Variants in CRACD observed in about 807,000 individuals in gnomAD.
The protein encoded by CRACD is capping protein-inhibiting regulator of actin dynamics.
In CRACD, 56 loss-of-function variants were observed where a neutral mutation model predicts 106.8. The observed-to-expected ratio is 0.52, with a 90% CI of 0.42 to 0.66. CRACD has a LOEUF of 0.66. Among genes scored for constraint, CRACD ranks in the 30% least tolerant of loss-of-function variants. The pLI is 0.00. For synonymous variants in CRACD, 754 were observed against 670.8 expected, an observed-to-expected ratio of 1.12 and a Z score of -1.92; for missense variants, 1,730 against 1,623.2, an observed-to-expected ratio of 1.07 and a Z score of -1.13.
chr4:56,273,308 TCTTCCTTCCTTC>T (rs1224412354), intron 3 of CRACD, among the ~76,000 whole-genome samples: 2 of 150,800 alleles, frequency 1.3e-5, no homozygotes, highest in Non-Finnish European at 3.0e-5. Context: ...TTCCTTCCTT[TCTTCCTTCCTTC>T]CTTCCTTCCT....
intron 1 of CRACD, among the ~76,000 whole-genome samples, chr4:56,070,415 T>C (rs972298847): frequency 6.6e-6 from 1 of 151,800 alleles, no homozygotes; most frequent in Admixed American, 6.6e-5. Context: ...TTCTTCTGCC[T>C]CAGCCTCCCG....
chr4:56,085,131 C>T (rs894483800), intron 1 of CRACD, among the ~76,000 whole-genome samples: 21 of 152,230 alleles, frequency 1.4e-4, no homozygotes, highest in Non-Finnish European at 2.4e-4. Flanking sequence ...TCTCCACAAG[C>T]ATTCTTTTCC....
chr4:56,218,715 C>A (rs964457833), intron 2 of CRACD, among the ~76,000 whole-genome samples: 1 of 151,690 alleles, frequency 6.6e-6, no homozygotes, highest in African/African-American at 2.4e-5. Flanking sequence ...TCAAGCAATT[C>A]TCTCGCTTCA....
chr4:56,216,653 C>T (rs1348649887), intron 2 of CRACD, among the ~76,000 whole-genome samples: 2 of 152,118 alleles, frequency 1.3e-5, no homozygotes, highest in African/African-American at 4.8e-5. Context: ...CATTTAAAAT[C>T]GGCCTTTGCA....
chr4:56,146,208 GC>G (rs1475461422), intron 1 of CRACD, among the ~76,000 whole-genome samples: 1 of 151,930 alleles, frequency 6.6e-6, no homozygotes, highest in Non-Finnish European at 1.5e-5. Flanking sequence ...ATTAGACTTT[GC>G]TTAACATTTT....
At chr4:56,297,535 C>T (rs1354643243) in intron 3 of CRACD, among the ~76,000 whole-genome samples, 2 of 152,108 alleles carry the variant, frequency 1.3e-5, no homozygotes, top group African/African-American at 4.8e-5. Context: ...GCCATGATCA[C>T]ACCACTGCAC....
chr4:56,142,339 A>G (rs893508438), intron 1 of CRACD, among the ~76,000 whole-genome samples: 30 of 152,142 alleles, frequency 2.0e-4, no homozygotes, highest in African/African-American at 7.2e-4. Flanking sequence ...GGTGGCATTT[A>G]GGTTGATTTA....
At chr4:56,124,992 T>G (rs1734611427) in intron 1 of CRACD, among the ~76,000 whole-genome samples, 1 of 152,208 alleles carries the variant, frequency 6.6e-6, no homozygotes. Flanking sequence ...TTTGAAAACA[T>G]AAGTTTACAG....
chr4:56,322,470 C>T (rs528254211), intron 8 of CRACD, among the ~76,000 whole-genome samples: 17 of 152,288 alleles, frequency 1.1e-4, no homozygotes, highest in African/African-American at 2.6e-4. Flanking sequence ...AAAACAGAGA[C>T]GGAAGTCAGA....
intron 1 of CRACD, among the ~76,000 whole-genome samples, chr4:56,062,222 TG>T (rs570735024): frequency 2.6e-5 from 4 of 152,218 alleles, no homozygotes; most frequent in Non-Finnish European, 4.4e-5. Flanking sequence ...TAAAACTAAA[TG>T]GGAGCTCTGG....
At chr4:56,317,924 T>G (rs1745788842) in intron 8 of CRACD, among the ~76,000 whole-genome samples, 1 of 152,108 alleles carries the variant, frequency 6.6e-6, no homozygotes, top group African/African-American at 2.4e-5. Flanking sequence ...CATCTAATAC[T>G]TTTTCTTTTC....
At chr4:56,254,218 C>T (rs949606808) in intron 2 of CRACD, among the ~76,000 whole-genome samples, 1 of 152,162 alleles carries the variant, frequency 6.6e-6, no homozygotes, top group African/African-American at 2.4e-5. Context: ...GTTTCATCTA[C>T]ATGTAGTGCT....
At chr4:56,063,867 G>C (rs748167329) in intron 1 of CRACD, among the ~76,000 whole-genome samples, 62 of 152,144 alleles carry the variant, frequency 4.1e-4, no homozygotes, top group Non-Finnish European at 6.5e-4. Context: ...ATGAAGGAAT[G>C]GAATTGCTGG....
intron 10 of CRACD, 96 bp from the exon 11 acceptor site, chr4:56,327,548 A>T: frequency 9.2e-7 from 1 of 1,089,480 alleles, no homozygotes; most frequent in Non-Finnish European, 1.3e-6. Flanking sequence ...ACAGTTTGTC[A>T]TGATAAATAC....
At chr4:56,205,530 A>G (rs1487741012) in intron 2 of CRACD, among the ~76,000 whole-genome samples, 2 of 151,424 alleles carry the variant, frequency 1.3e-5, no homozygotes, top group Non-Finnish European at 1.5e-5. Context: ...TTTTTTTTGT[A>G]TGTGTGTGTG....
chr4:56,054,127 A>T (rs949408973), intron 1 of CRACD, among the ~76,000 whole-genome samples: 7 of 152,144 alleles, frequency 4.6e-5, no homozygotes, highest in Non-Finnish European at 1.0e-4. Context: ...GTTCAGGCAG[A>T]TACAAAACTT....
At chr4:56,157,657 A>G (rs566398885) in intron 1 of CRACD, among the ~76,000 whole-genome samples, 2 of 152,158 alleles carry the variant, frequency 1.3e-5, no homozygotes, top group Admixed American at 1.3e-4. Flanking sequence ...GTCAAGGATG[A>G]TACTATGAAA....
chr4:56,316,307 G>A lies in CRACD; in HGVS notation c.2805G>A (p.Gly935=), dbSNP rs983635334. Residue 935 remains glycine, a synonymous_variant, in exon 8 of 11, where the codon GGG becomes GGA. Coordinates refer to ENST00000682029, the MANE Select transcript of CRACD (RefSeq NM_001393381.1). Reference sequence around the variant, plus strand: ...GCTCTGTTCCTGTGGCCCACCCTGGGCCTCCACCGGCCAGCAGCCAGACCC... The same window carrying A: ...GCTCTGTTCCTGTGGCCCACCCTGGACCTCCACCGGCCAGCAGCCAGACCC... The part of the protein sequence containing the change: ...SSRSVPVAHP[G]PPPASSQTPA... 3 of 1,613,976 alleles carry A rather than the reference G, an allele frequency of 1.9e-6. No homozygotes were observed. In the Admixed American group the frequency reaches 5.0e-5, roughly 27 times the overall value.
At chr4:56,095,392 C>T (rs1044875729) in intron 1 of CRACD, among the ~76,000 whole-genome samples, 3 of 152,074 alleles carry the variant, frequency 2.0e-5, no homozygotes, top group African/African-American at 4.8e-5. Context: ...GAAATAGCGA[C>T]GGCAGTAGAG....
Sources: allele counts gnomAD v4.1 joint callset (sites outside exome capture counted in the v4.1 genomes callset), GRCh38; gene constraint gnomAD v4.1.1; transcripts MANE v1.5; gene names NCBI Gene and HGNC (gene_info 2026-07-23, HGNC 2026-07-21).